Variants in RAG2 observed in about 807,000 individuals in gnomAD.
The protein encoded by RAG2 is recombination activating 2, also known as V(D)J recombination-activating protein 2.
Under a neutral mutation model 31.8 loss-of-function variants are expected in RAG2, and 16 were observed. That is an observed-to-expected ratio of 0.50 (90% CI 0.34 to 0.76). The LOEUF is 0.76. Ranked by LOEUF, RAG2 falls within the 30% of genes least tolerant of loss-of-function variation. The pLI is 0.01. For synonymous variants in RAG2, 199 were observed against 215.9 expected (o/e 0.92, Z 0.68); for missense variants, 622 against 628.5 (o/e 0.99, Z 0.11).
rs2133314898 is a variant in RAG2, at chr11:36,593,740, A to G, written c.429T>C (p.Asn143=). The G allele has an allele frequency of 6.2e-7, 1 of 1,614,214 alleles. No homozygotes were observed. ...VPEARYGHSI[N]VVYSRGKSMG... Reference sequence around the variant, plus strand: ...TACTTTTCCCTCGGCTGTACACCACATTAATGGAATGACCATATCTGGCTT... The same window carrying G: ...TACTTTTCCCTCGGCTGTACACCACGTTAATGGAATGACCATATCTGGCTT... Residue 143 remains asparagine (N), a synonymous_variant, in exon 2 of 2, where the codon AAT becomes AAC. Transcript: ENST00000311485.
chr11:36,593,940 T>C lies in RAG2; in HGVS notation c.229A>G (p.Thr77Ala). The change falls in exon 2 of 2, where the codon ACT (threonine) becomes GCT (alanine). Residue 77 changes from threonine to alanine, a missense_variant. Physicochemically the swap from Thr to Ala is moderately conservative, Grantham distance 58. Transcript: ENST00000311485. ...TCCAAGCTGCCTTTGAATGTGCAAG[T>C]GGCTGGGTAGCGAAGAGGAGGGAGG... The part of the protein sequence containing the change: ...CYLPPLRYPA[T>A]CTFKGSLESE... 1.2e-6 allele frequency: 2 copies of C among 1,614,234 alleles called. No homozygotes were observed. Among genetic ancestry groups the C allele is most frequent in the South Asian group, 1.1e-5 (1 of 91,084 alleles).
Position 36,593,976 on chromosome 11 carries a change from C to T in RAG2, c.193G>A (p.Asp65Asn), listed in dbSNP as rs909264507. ...CGAAGAGGAGGGAGGTAGCAGGAAT[C>T]CTTAGAGAAAATTGTAGGCTTCAGT... is the stretch of plus-strand genomic sequence containing the variant. ...VKLKPTIFSK[D>N]SCYLPPLRYP... is the part of the protein sequence containing the mutation. The change falls in exon 2 of 2, where the codon GAT (aspartate) becomes AAT (asparagine). Residue 65 changes from aspartate to asparagine, a missense_variant. By Grantham distance (23) the Asp-to-Asn change is conservative (BLOSUM62 1). Coordinates refer to ENST00000311485, the MANE Select transcript of RAG2 (RefSeq NM_000536.4). The T allele has an allele frequency of 1.2e-6, 2 of 1,614,004 alleles. No individual in the cohort carries two copies. Among genetic ancestry groups the T allele is most frequent in the African/African-American group, 2.7e-5 (2 of 74,908 alleles).
At position 36,592,921 on chromosome 11, in the gene RAG2, C is replaced by CAGGA; in HGVS notation, c.1247_1248insTCCT (p.Trp416CysfsTer10). 6.2e-7 allele frequency: 1 copy of CAGGA among 1,614,124 alleles called. No individual in the cohort carries two copies. Among genetic ancestry groups the CAGGA allele is most frequent in the Non-Finnish European group, 8.5e-7 (1 of 1,180,034 alleles). ...CATCACAAGTAGGGCAGCATGTAAT[C>CAGGA]CAGTAGCCTGTCTCAGACTCATCTT... On this transcript the variant is annotated frameshift_variant, in exon 2 of 2. Transcript: ENST00000311485. LOFTEE classifies it high-confidence loss of function.
chr11:36,595,203 A>G (rs1168411409), intron 1 of RAG2: 1 of 152,190 alleles, frequency 6.6e-6, no homozygotes. Context: ...ATTCTAGGAA[A>G]ATAGAGTTAG....
In RAG2 at chr11:36,593,227, G is replaced by T. The variant is rs762777615; in HGVS notation, c.942C>A (p.Ser314Arg). The change falls in exon 2 of 2, where the codon AGC becomes AGA. Residue 314 changes from serine (S) to arginine (R), a missense_variant. Transcript: ENST00000311485. Reference sequence around the variant, plus strand: ...CCATGTTGCTTCCAAACCATATCTTGCTGTGCTTAATGTCTGGGGTCCAAT... The same window carrying T: ...CCATGTTGCTTCCAAACCATATCTTTCTGTGCTTAATGTCTGGGGTCCAAT... ...TPDWTPDIKH[S>R]KIWFGSNMGN... 1.2e-6 allele frequency: 2 copies of T among 1,614,094 alleles called. No homozygotes were observed. The highest frequency in any genetic ancestry group is 3.3e-5 in the Admixed American group (2 of 60,012).
chr11:36,597,468 T>C (rs141939252), intron 1 of RAG2, among the ~76,000 whole-genome samples: 176 of 152,292 alleles, frequency 1.2e-3, no homozygotes, highest in African/African-American at 4.1e-3. Context: ...AGGACAGAAA[T>C]ATAGGACCAA....
intron 1 of RAG2, 98 bp from the exon 2 acceptor site, chr11:36,594,293 C>T (rs1851115632): frequency 1.2e-6 from 1 of 809,348 alleles, no homozygotes; most frequent in African/African-American, 1.7e-5. Context: ...TAAGTCCTCC[C>T]ACACGCTTGC....
Position 36,592,965 on chromosome 11 carries a change from AGGTG to A in RAG2, c.1200_1203del (p.Thr401IlefsTer42), listed in dbSNP as rs1356167002. The A allele has an allele frequency of 6.2e-7, 1 of 1,614,160 alleles. No homozygotes were observed. On this transcript the variant is annotated frameshift_variant, in exon 2 of 2. Coordinates refer to ENST00000311485, the MANE Select transcript of RAG2 (RefSeq NM_000536.4). LOFTEE classifies it high-confidence loss of function. ...TCATCTTCTTCATCATCTTCATTAT[AGGTG>A]TCAAATTCATCATCACCATCAAAAC...
At chr11:36,594,627 A>T (rs1030206921) in intron 1 of RAG2, 3 of 172,104 alleles carry the variant, frequency 1.7e-5, no homozygotes, top group Non-Finnish European at 3.8e-5. Flanking sequence ...AAGGAGGAAA[A>T]CTAGGGAATG....
chr11:36,598,058 C>G (rs1330847150), intron 1 of RAG2, 44 bp downstream of exon 1: 2 of 152,054 alleles, frequency 1.3e-5, no homozygotes, highest in Non-Finnish European at 2.9e-5. Flanking sequence ...CTAACATAGG[C>G]TCCCATTTTT....
At chr11:36,597,465 A>G (rs896483848) in intron 1 of RAG2, among the ~76,000 whole-genome samples, 1 of 152,232 alleles carries the variant, frequency 6.6e-6, no homozygotes, top group African/African-American at 2.4e-5. Context: ...TAAAGGACAG[A>G]AATATAGGAC....
rs1235041272 is a variant in RAG2 at position 36,598,127 on chromosome 11, C to T, written c.-53G>A. On this transcript the variant is annotated 5_prime_UTR_variant, in exon 1 of 2. Coordinates refer to ENST00000311485, the MANE Select transcript of RAG2 (RefSeq NM_000536.4). The stretch of plus-strand genomic sequence containing the variant: ...CTGAAGGCCAGAGGGGCTGCTCACG[C>T]CTCTCTGAATCTTTGCCGCTAAACC... The T allele has an allele frequency of 6.6e-6, 1 of 152,056 alleles. No individual in the cohort carries two copies. The highest frequency in any genetic ancestry group is 1.9e-4 in the East Asian group (1 of 5,164). 9.4% of individuals were successfully genotyped at this position (152,056 alleles called of 1,614,324 possible). A position where few individuals can be genotyped will look rare whatever the true frequency, so the allele number is the denominator to read the frequency against.
Position 36,592,448 on chromosome 11 carries a change from C to A in RAG2, c.*137G>T, listed in dbSNP as rs879687762. ...ATCATTGCATTATAAACACTTTTTT[C>A]TGGCCCTTAATTCATGTAACTAAAA... On this transcript the variant is annotated 3_prime_UTR_variant, in exon 2 of 2. Transcript: ENST00000311485. The A allele has an allele frequency of 6.2e-6, 7 of 1,125,068 alleles. No individual in the cohort carries two copies. Among genetic ancestry groups the A allele is most frequent in the Non-Finnish European group, 8.7e-6 (7 of 806,592 alleles). The allele number at this position is 1,125,068 out of a possible 1,614,324, so 69.7% of individuals were successfully genotyped here.
intron 1 of RAG2, among the ~76,000 whole-genome samples, chr11:36,596,222 GTTTTTTTTTTT>G (rs67282079): frequency 1.7e-5 from 2 of 118,368 alleles, no homozygotes; most frequent in Non-Finnish European, 3.6e-5. Context: ...TTTTTTTTTT[GTTTTTTTTTTT>G]TTTTGCTTTA....
At chr11:36,596,777 T>G (rs182127266) in intron 1 of RAG2, among the ~76,000 whole-genome samples, 1 of 152,344 alleles carries the variant, frequency 6.6e-6, no homozygotes, top group East Asian at 1.9e-4. Flanking sequence ...CAAGAACAGT[T>G]GTTTTAAAGC....
In RAG2 at chr11:36,593,984, A is replaced by C; in HGVS notation, c.185T>G (p.Phe62Cys). 1 of 1,614,166 alleles carries C rather than the reference A, an allele frequency of 6.2e-7. No homozygotes were observed. The highest frequency in any genetic ancestry group is 8.5e-7 in the Non-Finnish European group (1 of 1,180,036). ...AGGGAGGTAGCAGGAATCCTTAGAGAAAATTGTAGGCTTCAGTTTGACATG... is the reference window on the plus strand; with the variant it reads ...AGGGAGGTAGCAGGAATCCTTAGAGCAAATTGTAGGCTTCAGTTTGACATG... ...HNHVKLKPTI[F>C]SKDSCYLPPL... is the part of the protein sequence containing the mutation. Residue 62 changes from phenylalanine (F) to cysteine (C), a missense_variant, in exon 2 of 2, where the codon TTC (phenylalanine) becomes TGC (cysteine). Physicochemically the swap from Phe to Cys is radical, Grantham distance 205. Coordinates refer to ENST00000311485, the MANE Select transcript of RAG2 (RefSeq NM_000536.4).
Position 36,592,573 on chromosome 11 carries a change from G to A in RAG2, c.*12C>T, listed in dbSNP as rs1359548853. 2.5e-6 allele frequency: 4 copies of A among 1,612,924 alleles called. No homozygotes were observed. The highest frequency in any genetic ancestry group is 1.3e-5 in the African/African-American group (1 of 74,820). Reference sequence around the variant, plus strand: ...AATTCCATACACCTGAATCTGAAAGGCTTTTGCAAAACTAATCAAACAACC... The same window carrying A: ...AATTCCATACACCTGAATCTGAAAGACTTTTGCAAAACTAATCAAACAACC... On this transcript the variant is annotated 3_prime_UTR_variant, in exon 2 of 2. Coordinates refer to ENST00000311485, the MANE Select transcript of RAG2 (RefSeq NM_000536.4).
chr11:36,591,768 A>C (rs1393577869), downstream of RAG2, among the ~76,000 whole-genome samples: 1 of 151,988 alleles, frequency 6.6e-6, no homozygotes, highest in African/African-American at 2.4e-5. Context: ...TTGTATTCTT[A>C]CTCACTTCCT....
chr11:36,592,312 G>A lies in RAG2; in HGVS notation c.*273C>T, dbSNP rs1371891791. On this transcript the variant is annotated 3_prime_UTR_variant, in exon 2 of 2. Transcript: ENST00000311485. ...TTATTACTGCTTCTGGGTGTTTAAG[G>A]TTTGTTGAATAAAAAATCAGATCAG... 1 of 441,194 alleles carries A rather than the reference G, an allele frequency of 2.3e-6. No homozygotes were observed. The highest frequency in any genetic ancestry group is 4.1e-6 in the Non-Finnish European group (1 of 246,170). 27.3% of individuals were successfully genotyped at this position (441,194 alleles called of 1,614,324 possible). A position where few individuals can be genotyped will look rare whatever the true frequency, so the allele number is the denominator to read the frequency against.
Sources: gnomAD v4.1 joint callset for allele counts (sites outside exome capture counted in the v4.1 genomes callset) on GRCh38, gnomAD v4.1.1 for gene constraint, MANE v1.5 for transcripts, NCBI Gene and HGNC (gene_info 2026-07-23, HGNC 2026-07-21) for gene names.